The following ZNF678 variants were observed in gnomAD, a reference collection of about 807,000 sequenced individuals.
ZNF678 encodes the protein zinc finger protein 678, also known as hypothetical protein MGC42493.
A neutral mutation model predicts 3.0 loss-of-function variants in ZNF678; 5 were observed. The observed-to-expected ratio is 1.69, with a 90% CI of 0.88 to 3.56. The LOEUF is 3.56. ZNF678 is among the 30% of genes most tolerant of loss of function. The pLI, the probability that ZNF678 is intolerant of heterozygous loss-of-function variation, is 0.00. For missense variants in ZNF678, 593 were observed against 605.0 expected, an observed-to-expected ratio of 0.98 and a Z score of 0.21; for synonymous variants, 218 against 199.6, an observed-to-expected ratio of 1.09 and a Z score of -0.78.
chr1:227,636,769 G>T (rs921251153), intron 1 of ZNF678, among the ~76,000 whole-genome samples: 6 of 152,172 alleles, frequency 3.9e-5, no homozygotes, highest in African/African-American at 1.2e-4. Context: ...ACCCAGTGGG[G>T]GAGTCCTTGG....
intron 1 of ZNF678, among the ~76,000 whole-genome samples, chr1:227,643,944 A>T (rs1157250254): frequency 6.8e-6 from 1 of 147,602 alleles, no homozygotes. Flanking sequence ...GCTCACTGCA[A>T]TCCCCGCCCT....
At chr1:227,649,875 T>C (rs986065594) in intron 2 of ZNF678, among the ~76,000 whole-genome samples, 7 of 152,206 alleles carry the variant, frequency 4.6e-5, no homozygotes, top group African/African-American at 1.7e-4. Flanking sequence ...ATCATTATTA[T>C]TGTGTTCCTT....
intron 1 of ZNF678, among the ~76,000 whole-genome samples, chr1:227,634,580 T>C (rs1658627302): frequency 6.6e-6 from 1 of 152,172 alleles, no homozygotes; most frequent in Non-Finnish European, 1.5e-5. Context: ...ATTATGGAAG[T>C]ACTCTCCATG....
intron 1 of ZNF678, among the ~76,000 whole-genome samples, chr1:227,632,303 C>T (rs891786764): frequency 7.2e-5 from 11 of 152,058 alleles, no homozygotes; most frequent in African/African-American, 9.7e-5. Context: ...GAAAGTCTGA[C>T]GCATTAGTAC....
intron 1 of ZNF678, among the ~76,000 whole-genome samples, chr1:227,591,901 A>G (rs1006023366): frequency 3.9e-5 from 6 of 152,210 alleles, no homozygotes; most frequent in Non-Finnish European, 7.3e-5. Flanking sequence ...AATTTTAAGG[A>G]AAATGAGTCC....
rs1458521445 is a variant in ZNF678, at chr1:227,658,412, T to TA, written c.*2587dup. On this transcript the variant is annotated 3_prime_UTR_variant, in exon 4 of 4. Transcript: ENST00000343776. The stretch of plus-strand genomic sequence containing the variant: ...AGTAAGAGATTAGAAATATTCAGCA[T>TA]AAAGAGATGGCATTAACTCTGCATG... 1 of 152,072 alleles carries TA rather than the reference T, an allele frequency of 6.6e-6. No homozygotes were observed. Among genetic ancestry groups the TA allele is most frequent in the Admixed American group, 6.6e-5 (1 of 15,248 alleles). 9.4% of individuals were successfully genotyped at this position (152,072 alleles called of 1,614,324 possible). A position where few individuals can be genotyped will look rare whatever the true frequency, so the allele number is the denominator to read the frequency against.
intron 1 of ZNF678, among the ~76,000 whole-genome samples, chr1:227,588,948 A>C (rs1038764951): frequency 2.3e-4 from 34 of 149,574 alleles, no homozygotes; most frequent in African/African-American, 7.7e-4. Context: ...TCTTCTTTTG[A>C]GAAGTGTCTG....
Position 227,646,580 on chromosome 1 carries a change from TCTC to T in ZNF678, c.-125_-123del. 1.5e-6 allele frequency: 2 copies of T among 1,372,010 alleles called. No individual in the cohort carries two copies. Among genetic ancestry groups the T allele is most frequent in the Non-Finnish European group, 2.0e-6 (2 of 1,024,430 alleles). 85.0% of individuals were successfully genotyped at this position (1,372,010 alleles called of 1,614,324 possible). A position where few individuals can be genotyped will look rare whatever the true frequency, so the allele number is the denominator to read the frequency against. ...ATTCAGTGATGTGGTCATAGAATTC[TCTC>T]CAGAGGAGTGGGCATGCCTGGACCC... is the stretch of plus-strand genomic sequence containing the variant. On this transcript the variant is annotated 5_prime_UTR_variant, in exon 2 of 4. Coordinates refer to ENST00000343776, the MANE Select transcript of ZNF678 (RefSeq NM_001367909.1).
intron 2 of ZNF678, among the ~76,000 whole-genome samples, chr1:227,649,581 C>T (rs1305021848): frequency 6.6e-6 from 1 of 152,198 alleles, no homozygotes. Flanking sequence ...AACTCCTGAC[C>T]TCAGGTGATC....
At chr1:227,624,805 C>T (rs910067351) in intron 1 of ZNF678, among the ~76,000 whole-genome samples, 2 of 152,264 alleles carry the variant, frequency 1.3e-5, no homozygotes, top group South Asian at 2.1e-4. Flanking sequence ...GTGGGCACCT[C>T]GCTGGATCAG....
At chr1:227,610,266 C>T (rs1013736406) in intron 1 of ZNF678, among the ~76,000 whole-genome samples, 5 of 152,240 alleles carry the variant, frequency 3.3e-5, no homozygotes, top group African/African-American at 1.2e-4. Flanking sequence ...TAGTCAATAA[C>T]GTTACAAGGA....
At chr1:227,565,791 G>T (rs564706411) in intron 1 of ZNF678, among the ~76,000 whole-genome samples, 2 of 152,056 alleles carry the variant, frequency 1.3e-5, no homozygotes, top group African/African-American at 2.4e-5. Flanking sequence ...ACGGAGTCTC[G>T]CTCTGTCGCC....
chr1:227,600,679 A>G (rs928530484), intron 1 of ZNF678, among the ~76,000 whole-genome samples: 3 of 152,168 alleles, frequency 2.0e-5, no homozygotes, highest in African/African-American at 7.2e-5. Context: ...GATGTTGAAT[A>G]TGAGACGTTT....
Position 227,655,766 on chromosome 1 carries a change from A to C in ZNF678, c.1516A>C (p.Lys506Gln). ...KGFYQSSIHS[K>Q]YKRIYTGEEP... Reference sequence around the variant, plus strand: ...TTTTTACCAATCCTCAATCCATAGTAAGTATAAGAGAATTTATACTGGAGA... The same window carrying C: ...TTTTTACCAATCCTCAATCCATAGTCAGTATAAGAGAATTTATACTGGAGA... The change falls in exon 4 of 4, where the codon AAG (lysine) becomes CAG (glutamine). Residue 506 changes from lysine to glutamine, a missense_variant. Physicochemically the swap from Lys to Gln is moderately conservative, Grantham distance 53. Coordinates refer to ENST00000343776, the MANE Select transcript of ZNF678 (RefSeq NM_001367909.1). 6.2e-7 allele frequency: 1 copy of C among 1,609,412 alleles called. No individual in the cohort carries two copies. The highest frequency in any genetic ancestry group is 8.5e-7 in the Non-Finnish European group (1 of 1,178,006).
At chr1:227,582,000 ATAAC>A (rs1032555666) in intron 1 of ZNF678, among the ~76,000 whole-genome samples, 12 of 152,204 alleles carry the variant, frequency 7.9e-5, no homozygotes, top group African/African-American at 2.7e-4. Flanking sequence ...CATTTCCTTG[ATAAC>A]TAATAAAGTT....
At chr1:227,564,747 T>C (rs1274453514) in intron 1 of ZNF678, among the ~76,000 whole-genome samples, 2 of 152,236 alleles carry the variant, frequency 1.3e-5, no homozygotes, top group African/African-American at 2.4e-5. Context: ...TTGTTTTTTC[T>C]TTAAGAAGGA....
Position 227,589,122 on chromosome 1 carries a change from C to T in ZNF678, c.-164+25398C>T, listed in dbSNP as rs528751230. Among the ~76,000 whole-genome samples, 9 of 147,524 alleles carry T rather than the reference C, an allele frequency of 6.1e-5. 1 individual carries two copies. The highest frequency in any genetic ancestry group is 3.9e-4 in the East Asian group (2 of 5,180). ...TCACTCTGATGATCATTTCTTTTGC[C>T]GTGCAGAAGCTCTTTAGTTTAATTA... is the stretch of plus-strand genomic sequence containing the variant. On this transcript the variant is annotated intron_variant, in intron 1 of 3. Transcript: ENST00000343776.
rs1658739854 is a variant in ZNF678 at position 227,638,618 on chromosome 1, A to G, written c.-163-7926A>G. ...TGCATGTTTTAAGGTGGGAGGTTGG[A>G]GGAGTAGAAGAAAGTTAGAAGTACC... On this transcript the variant is annotated intron_variant, in intron 1 of 3. Coordinates refer to ENST00000343776, the MANE Select transcript of ZNF678 (RefSeq NM_001367909.1). The surrounding 1 kb of genome is among the most constrained non-coding windows in gnomAD (Gnocchi z 4.2). 6.6e-6 allele frequency among the ~76,000 whole-genome samples: 1 copy of G among 152,088 alleles called. No individual in the cohort carries two copies. Among genetic ancestry groups the G allele is most frequent in the South Asian group, 2.1e-4 (1 of 4,810 alleles).
chr1:227,567,138 AG>A (rs1311397518), intron 1 of ZNF678, among the ~76,000 whole-genome samples: 1 of 152,218 alleles, frequency 6.6e-6, no homozygotes, highest in African/African-American at 2.4e-5. Context: ...TCCTCTTAGA[AG>A]GGTTCACATT....
Sources: allele counts gnomAD v4.1 joint callset (sites outside exome capture counted in the v4.1 genomes callset), GRCh38; gene constraint gnomAD v4.1.1; non-coding constraint Gnocchi (gnomAD v3.1); transcripts MANE v1.5; gene names NCBI Gene and HGNC (gene_info 2026-07-23, HGNC 2026-07-21).